Variants in TM9SF2 observed in about 807,000 individuals in gnomAD.
The protein encoded by TM9SF2 is 76 kDa membrane protein.
Under a neutral mutation model 84.9 loss-of-function variants are expected in TM9SF2, and 13 were observed. The observed-to-expected ratio is 0.15, with a 90% CI of 0.10 to 0.24. The LOEUF (loss-of-function observed/expected upper bound fraction) is 0.24, where lower values mean the gene tolerates loss of function less well. Ranked by LOEUF, TM9SF2 falls within the 10% of genes least tolerant of loss-of-function variation. The pLI, the probability that TM9SF2 is intolerant of heterozygous loss-of-function variation, is 1.00. For missense variants in TM9SF2, 562 were observed against 818.5 expected, an observed-to-expected ratio of 0.69 and a Z score of 3.82; for synonymous variants, 273 against 285.8, an observed-to-expected ratio of 0.96 and a Z score of 0.45.
At chr13:99,534,329 G>A (rs1291001291) in intron 4 of TM9SF2, among the ~76,000 whole-genome samples, 1 of 152,190 alleles carries the variant, frequency 6.6e-6, no homozygotes, top group Non-Finnish European at 1.5e-5. Flanking sequence ...GGAGAATGAT[G>A]TGCTGTTTTC....
At chr13:99,560,728 C>T (rs1032843077) in intron 16 of TM9SF2, among the ~76,000 whole-genome samples, 1 of 152,160 alleles carries the variant, frequency 6.6e-6, no homozygotes, top group Non-Finnish European at 1.5e-5. Flanking sequence ...TTTGCCCAGG[C>T]TGGAGTGCAG....
chr13:99,523,885 A>G lies in TM9SF2; in HGVS notation c.333+3756A>G, dbSNP rs555586796. On this transcript the variant is annotated intron_variant, in intron 3 of 16. Transcript: ENST00000376387. ...CTAATTTTAAATAGGCTTACTGCAA[A>G]GGTGGATTTAAAATCTTAAAAAAGC... Among the ~76,000 whole-genome samples, 226 of 152,328 alleles carry G rather than the reference A, an allele frequency of 1.5e-3. 1 individual carries two copies. Among genetic ancestry groups the G allele is most frequent in the Non-Finnish European group, 2.7e-3 (181 of 68,032 alleles).
chr13:99,547,603 A>G (rs570662703), intron 11 of TM9SF2, among the ~76,000 whole-genome samples: 8 of 151,856 alleles, frequency 5.3e-5, no homozygotes, highest in South Asian at 2.1e-4. Context: ...GGAGACCTGG[A>G]AAGTTACTTT....
intron 4 of TM9SF2, among the ~76,000 whole-genome samples, chr13:99,532,138 G>A (rs2046213016): frequency 6.6e-6 from 1 of 150,910 alleles, no homozygotes; most frequent in Middle Eastern, 3.4e-3. Context: ...TGCAAGCTCC[G>A]CCTCCCGGGT....
chr13:99,532,989 T>A (rs960570122), intron 4 of TM9SF2, among the ~76,000 whole-genome samples: 4 of 152,216 alleles, frequency 2.6e-5, no homozygotes, highest in Non-Finnish European at 4.4e-5. Context: ...TTGATTCACA[T>A]TGATGAATTT....
At chr13:99,504,866 A>G (rs972319738) in intron 1 of TM9SF2, among the ~76,000 whole-genome samples, 8 of 152,266 alleles carry the variant, frequency 5.3e-5, no homozygotes, top group African/African-American at 1.9e-4. Flanking sequence ...TTCCTGTACA[A>G]TCTGTGGTTT....
Position 99,549,194 on chromosome 13 carries a change from G to A in TM9SF2, c.1300G>A (p.Val434Ile). Residue 434 changes from valine (V) to isoleucine (I), a missense_variant, in exon 12 of 17, where the codon GTT (valine) becomes ATT (isoleucine). Physicochemically the swap from Val to Ile is conservative, Grantham distance 29. Around this residue, in one of 4 missense-constraint regions of TM9SF2, gnomAD observed 219 missense variants for 338.1 expected, o/e 0.65. Coordinates refer to ENST00000376387, the MANE Select transcript of TM9SF2 (RefSeq NM_004800.3). ...TGGAGGTGAGAAGTGGAAAACAAAT[G>A]TTTTATTAACATCATTTCTTTGTCC... The part of the protein sequence containing the change: ...SFGGEKWKTN[V>I]LLTSFLCPGI... 1 of 1,613,196 alleles carries A rather than the reference G, an allele frequency of 6.2e-7. No individual in the cohort carries two copies. The highest frequency in any genetic ancestry group is 8.5e-7 in the Non-Finnish European group (1 of 1,179,534).
intron 15 of TM9SF2, 130 bp downstream of exon 15, chr13:99,555,777 C>G (rs1297767770): frequency 1.9e-6 from 1 of 535,396 alleles, no homozygotes; most frequent in Non-Finnish European, 3.2e-6. Context: ...ACCTGTATTC[C>G]TAAATCAAAT....
chr13:99,538,004 A>AT (rs1437548794), intron 6 of TM9SF2, 141 bp downstream of exon 6: 3 of 1,236,898 alleles, frequency 2.4e-6, no homozygotes, highest in Non-Finnish European at 3.2e-6. Flanking sequence ...ATGATTTGTT[A>AT]TTGTTATGGG....
At chr13:99,560,603 A>G (rs2046340788) in intron 16 of TM9SF2, among the ~76,000 whole-genome samples, 1 of 152,250 alleles carries the variant, frequency 6.6e-6, no homozygotes, top group Non-Finnish European at 1.5e-5. Context: ...GATCATTGTG[A>G]ATATCTGTTG....
chr13:99,544,390 G>A (rs1309411489), intron 10 of TM9SF2, among the ~76,000 whole-genome samples: 1 of 151,402 alleles, frequency 6.6e-6, no homozygotes, highest in African/African-American at 2.4e-5. Flanking sequence ...GGGTAGGTAA[G>A]CCAGATTATT....
intron 13 of TM9SF2, among the ~76,000 whole-genome samples, chr13:99,553,180 C>G (rs905337211): frequency 6.6e-6 from 1 of 152,130 alleles, no homozygotes. Context: ...CTTCTCTAAC[C>G]GCACTTCAGT....
At chr13:99,517,877 A>G (rs2046141757) in intron 2 of TM9SF2, among the ~76,000 whole-genome samples, 196 bp downstream of exon 2, 1 of 152,186 alleles carries the variant, frequency 6.6e-6, no homozygotes, top group Admixed American at 6.5e-5. Context: ...TGACTAAACA[A>G]TGGATTTCTT....
chr13:99,548,131 C>T lies in TM9SF2; in HGVS notation c.1270+1027C>T, dbSNP rs528586640. Among the ~76,000 whole-genome samples the T allele has an allele frequency of 3.9e-5, 6 of 152,274 alleles. No individual in the cohort carries two copies. In the South Asian group the frequency reaches 8.3e-4, roughly 21 times the overall value. Reference sequence around the variant, plus strand: ...CAGCCTTACTTCATGCCACACTCCCCCTTTCTCACCATTTCAGCCACACAG... The same window carrying T: ...CAGCCTTACTTCATGCCACACTCCCTCTTTCTCACCATTTCAGCCACACAG... On this transcript the variant is annotated intron_variant, in intron 11 of 16. Coordinates refer to ENST00000376387, the MANE Select transcript of TM9SF2 (RefSeq NM_004800.3).
At chr13:99,544,988 A>G (rs538176982) in intron 10 of TM9SF2, among the ~76,000 whole-genome samples, 15 of 152,302 alleles carry the variant, frequency 9.8e-5, no homozygotes, top group African/African-American at 3.6e-4. Flanking sequence ...TAATTGGAAG[A>G]TAAAAAAGGT....
Position 99,562,845 on chromosome 13 carries a change from C to G in TM9SF2, c.*87C>G, listed in dbSNP as rs2139117656. On this transcript the variant is annotated 3_prime_UTR_variant, in exon 17 of 17. Transcript: ENST00000376387. ...TTTTTGTGACTGCCTTGAGTTTTAT[C>G]AGAATTATTGGCCTAGTAATCCTTC... 7.7e-7 allele frequency: 1 copy of G among 1,295,170 alleles called. No homozygotes were observed. The highest frequency in any genetic ancestry group is 2.3e-5 in the East Asian group (1 of 42,972). The allele number at this position is 1,295,170 out of a possible 1,614,324, so 80.2% of individuals were successfully genotyped here.
At chr13:99,513,428 A>G (rs548658659) in intron 1 of TM9SF2, among the ~76,000 whole-genome samples, 2 of 152,336 alleles carry the variant, frequency 1.3e-5, no homozygotes, top group East Asian at 3.9e-4. Flanking sequence ...AAGTTGTCCC[A>G]TGAAACTTCA....
In TM9SF2 at chr13:99,529,513, C is replaced by T; in HGVS notation, c.380C>T (p.Thr127Ile). 1 of 1,592,384 alleles carries T rather than the reference C, an allele frequency of 6.3e-7. No homozygotes were observed. Among genetic ancestry groups the T allele is most frequent in the Non-Finnish European group, 8.5e-7 (1 of 1,172,852 alleles). Residue 127 changes from threonine to isoleucine, a missense_variant, in exon 4 of 17, where the codon ACA becomes ATA. Around this residue, in one of 4 missense-constraint regions of TM9SF2, gnomAD observed 267 missense variants for 316.7 expected, o/e 0.84. Coordinates refer to ENST00000376387, the MANE Select transcript of TM9SF2 (RefSeq NM_004800.3). ...KETCKLVCTKTYHTEKAEDKQ... is the reference protein window; with the variant it reads ...KETCKLVCTKIYHTEKAEDKQ... ...ACCTGTAAGCTTGTTTGTACAAAAA[C>T]ATACCATACAGAGAAAGCTGAAGAC... is the stretch of plus-strand genomic sequence containing the variant.
chr13:99,528,262 A>T (rs1300701441), intron 3 of TM9SF2, among the ~76,000 whole-genome samples: 1 of 152,212 alleles, frequency 6.6e-6, no homozygotes, highest in Non-Finnish European at 1.5e-5. Flanking sequence ...TGTTCTCCGG[A>T]GCTCAACTCA....
Sources: allele counts gnomAD v4.1 joint callset (sites outside exome capture counted in the v4.1 genomes callset), GRCh38; gene constraint gnomAD v4.1.1; regional missense constraint gnomAD v4.1.1; transcripts MANE v1.5; gene names NCBI Gene and HGNC (gene_info 2026-07-23, HGNC 2026-07-21).